The following TBC1D4 variants were observed in gnomAD, a reference collection of about 807,000 sequenced individuals.
TBC1D4 encodes TBC (Tre-2, BUB2, CDC16) domain-containing protein.
TBC1D4 carries 121 observed loss-of-function variants against 142.5 expected under a neutral mutation model. The observed-to-expected ratio is 0.85, with a 90% CI of 0.73 to 0.99. TBC1D4 has a LOEUF of 0.99. TBC1D4 is among the 50% of genes least tolerant of loss of function. The pLI is 0.00. For missense variants in TBC1D4, 1,475 were observed against 1,606.6 expected (o/e 0.92, Z 1.40); for synonymous variants, 630 against 628.2 (o/e 1.00, Z -0.04).
chr13:75,425,133 A>G (rs185739397), intron 1 of TBC1D4, among the ~76,000 whole-genome samples: 104 of 152,082 alleles, frequency 6.8e-4, no homozygotes, highest in African/African-American at 2.4e-3. Context: ...ATATATAAGG[A>G]ACAATTCAAT....
chr13:75,479,748 T>C (rs1326391227), intron 1 of TBC1D4, among the ~76,000 whole-genome samples: 1 of 152,200 alleles, frequency 6.6e-6, no homozygotes, highest in Non-Finnish European at 1.5e-5. Flanking sequence ...TTTTAACATA[T>C]GTGAAAGCTA....
At chr13:75,424,480 C>A (rs1886297024) in intron 1 of TBC1D4, among the ~76,000 whole-genome samples, 1 of 151,874 alleles carries the variant, frequency 6.6e-6, no homozygotes, top group Non-Finnish European at 1.5e-5. Flanking sequence ...CATCAAAATT[C>A]CAATGACATT....
At chr13:75,471,897 G>C (rs909608381) in intron 1 of TBC1D4, among the ~76,000 whole-genome samples, 1 of 151,840 alleles carries the variant, frequency 6.6e-6, no homozygotes, top group East Asian at 1.9e-4. Flanking sequence ...ACCTGAGGTC[G>C]GGAGTGCGAG....
intron 5 of TBC1D4, among the ~76,000 whole-genome samples, chr13:75,348,071 G>A (rs1881297834): frequency 6.6e-6 from 1 of 152,170 alleles, no homozygotes; most frequent in African/African-American, 2.4e-5. Context: ...AAGCTGGTAG[G>A]TAGAGGCTGC....
chr13:75,299,248 A>G (rs910273530), intron 17 of TBC1D4, 82 bp downstream of exon 17: 2 of 1,600,754 alleles, frequency 1.2e-6, no homozygotes, highest in African/African-American at 2.7e-5. Flanking sequence ...ATTTCTTTAA[A>G]TCTGAACTGT....
At chr13:75,301,108 A>T (rs551400714) in intron 16 of TBC1D4, among the ~76,000 whole-genome samples, 2 of 152,264 alleles carry the variant, frequency 1.3e-5, no homozygotes, top group Admixed American at 1.3e-4. Context: ...ATATAAGATG[A>T]CCCCAAACAT....
intron 8 of TBC1D4, among the ~76,000 whole-genome samples, chr13:75,329,827 C>A (rs1593737565): frequency 1.3e-5 from 2 of 152,198 alleles, no homozygotes; most frequent in South Asian, 2.1e-4. Flanking sequence ...AATATCTTAG[C>A]ATTGCTCAAA....
chr13:75,367,572 A>C (rs1050645388), intron 1 of TBC1D4, among the ~76,000 whole-genome samples: 1 of 152,124 alleles, frequency 6.6e-6, no homozygotes, highest in African/African-American at 2.4e-5. Flanking sequence ...AGTAAACTGA[A>C]AAACTGCCTA....
At chr13:75,464,060 C>A (rs189252997) in intron 1 of TBC1D4, among the ~76,000 whole-genome samples, 1 of 152,206 alleles carries the variant, frequency 6.6e-6, no homozygotes, top group Admixed American at 6.5e-5. Flanking sequence ...GATGTCCAAA[C>A]AATGCCCTCC....
At chr13:75,361,948 C>G (rs1882556351) in intron 2 of TBC1D4, 78 bp downstream of exon 2, 1 of 1,495,830 alleles carries the variant, frequency 6.7e-7, no homozygotes, top group Admixed American at 1.7e-5. Flanking sequence ...AGAGGTGGAG[C>G]TGGGAGGAAC....
intron 1 of TBC1D4, among the ~76,000 whole-genome samples, chr13:75,475,717 A>G (rs1259867437): frequency 6.6e-6 from 1 of 152,262 alleles, no homozygotes; most frequent in Non-Finnish European, 1.5e-5. Context: ...AGGGCATGTG[A>G]ACAGTCTCTG....
intron 13 of TBC1D4, 24 bp downstream of exon 13, chr13:75,312,714 T>A: frequency 1.2e-6 from 2 of 1,614,046 alleles, no homozygotes; most frequent in Non-Finnish European, 1.7e-6. Context: ...GAGGGATAAA[T>A]TCCTTAGGGA....
At chr13:75,471,397 A>G (rs1243602853) in intron 1 of TBC1D4, among the ~76,000 whole-genome samples, 1 of 152,258 alleles carries the variant, frequency 6.6e-6, no homozygotes, top group East Asian at 1.9e-4. Context: ...GTATCTATAA[A>G]TAGAATACAC....
chr13:75,313,795 G>C (rs903821833), intron 12 of TBC1D4, among the ~76,000 whole-genome samples: 3 of 152,172 alleles, frequency 2.0e-5, no homozygotes, highest in African/African-American at 7.2e-5. Flanking sequence ...AAAGTGCTGG[G>C]ATTACAGGCA....
At chr13:75,415,251 T>C (rs192726697) in intron 1 of TBC1D4, among the ~76,000 whole-genome samples, 31 of 152,244 alleles carry the variant, frequency 2.0e-4, no homozygotes, top group Admixed American at 1.6e-3. Context: ...TTAGACATAC[T>C]GAATTAGGAC....
chr13:75,294,497 A>G lies in TBC1D4; in HGVS notation c.3316+357T>C, dbSNP rs1020122424. On this transcript the variant is annotated intron_variant, in intron 18 of 20. Coordinates refer to ENST00000377636, the MANE Select transcript of TBC1D4 (RefSeq NM_014832.5). ...TTTTGAATGCAAGATGAAGAAGACAATGGGGGTAGAAACATGTATATAAAA... is the reference window on the plus strand; with the variant it reads ...TTTTGAATGCAAGATGAAGAAGACAGTGGGGGTAGAAACATGTATATAAAA... Among the ~76,000 whole-genome samples, 5 of 152,362 alleles carry G rather than the reference A, an allele frequency of 3.3e-5. No individual in the cohort carries two copies. The South Asian group carries it at 1.0e-3, about 32-fold the overall frequency.
chr13:75,443,395 T>C (rs1348473886), intron 1 of TBC1D4, among the ~76,000 whole-genome samples: 1 of 152,222 alleles, frequency 6.6e-6, no homozygotes, highest in African/African-American at 2.4e-5. Context: ...AATTTAATTA[T>C]ATCTAAATCA....
chr13:75,324,329 GGAAGTGT>G lies in TBC1D4; in HGVS notation c.2099_2105del (p.His700ProfsTer13), dbSNP rs1321565217. ...GGGCAGTGAAGGAAGGGGCAGAGAAGGAAGTGTGAAGACTTGGAAGACTGGAGGAAGA... is the reference window on the plus strand; with the variant it reads ...GGGCAGTGAAGGAAGGGGCAGAGAAGGAAGACTTGGAAGACTGGAGGAAGA... On this transcript the variant is annotated frameshift_variant, in exon 11 of 21. Coordinates refer to ENST00000377636, the MANE Select transcript of TBC1D4 (RefSeq NM_014832.5). LOFTEE classifies it high-confidence loss of function. The G allele has an allele frequency of 1.9e-6, 3 of 1,614,030 alleles. No homozygotes were observed. The highest frequency in any genetic ancestry group is 2.5e-6 in the Non-Finnish European group (3 of 1,179,918).
intron 1 of TBC1D4, among the ~76,000 whole-genome samples, chr13:75,466,479 A>G (rs2138305212): frequency 6.6e-6 from 1 of 152,250 alleles, no homozygotes; most frequent in East Asian, 1.9e-4. Context: ...ACAATTTTCT[A>G]ATAATCAGTT....
Sources: allele counts gnomAD v4.1 joint callset (sites outside exome capture counted in the v4.1 genomes callset), GRCh38; gene constraint gnomAD v4.1.1; transcripts MANE v1.5; gene names NCBI Gene and HGNC (gene_info 2026-07-23, HGNC 2026-07-21).